CYP4X1: variants seen among roughly 807,000 people sequenced by gnomAD.
CYP4X1 encodes the protein cytochrome P450 family 4 subfamily X member 1.
A neutral mutation model predicts 57.9 loss-of-function variants in CYP4X1; 44 were observed. The observed-to-expected ratio is 0.76, with a 90% CI of 0.60 to 0.98. The LOEUF (loss-of-function observed/expected upper bound fraction) is 0.98. Among genes scored for constraint, CYP4X1 ranks in the 50% least tolerant of loss-of-function variants. The pLI, the probability that CYP4X1 is intolerant of heterozygous loss-of-function variation, is 0.00. For synonymous variants in CYP4X1, 227 were observed against 228.6 expected (o/e 0.99, Z 0.06); for missense variants, 532 against 623.9 (o/e 0.85, Z 1.57).
chr1:47,043,897 T>C lies in CYP4X1; in HGVS notation c.1074-2570T>C, dbSNP rs79280674. On this transcript the variant is annotated intron_variant, in intron 8 of 11. Coordinates refer to ENST00000371901, the MANE Select transcript of CYP4X1 (RefSeq NM_178033.2). ...TTGTCTTAAAGCCTAATTTGTCTGA[T>C]AAAAGTTCAGCTACCTTTGCTCTCT... 3.7e-3 allele frequency among the ~76,000 whole-genome samples: 559 copies of C among 152,328 alleles called. 8 individuals carry two copies. The highest frequency in any genetic ancestry group is 0.013 in the African/African-American group (530 of 41,586).
At chr1:47,013,068 G>A in the CYP4X1 span, among the ~76,000 whole-genome samples, 2 of 152,042 alleles carry the variant, frequency 1.3e-5, no homozygotes, top group Non-Finnish European at 2.9e-5. Context: ...TTTCTCGATG[G>A]TAGGCTGTTG....
At chr1:47,017,927 C>T in the CYP4X1 span, among the ~76,000 whole-genome samples, 99 of 152,290 alleles carry the variant, frequency 6.5e-4, 1 homozygote, top group East Asian at 6.4e-3. Flanking sequence ...GTCATGGGTG[C>T]GCATCCTCAA....
chr1:47,009,143 TC>T, the CYP4X1 span, among the ~76,000 whole-genome samples: 1 of 152,008 alleles, frequency 6.6e-6, no homozygotes, highest in African/African-American at 2.4e-5. Flanking sequence ...CCACACCTAT[TC>T]CAAAATTGAC....
At chr1:46,995,563 A>G in the CYP4X1 span, among the ~76,000 whole-genome samples, 2 of 152,126 alleles carry the variant, frequency 1.3e-5, no homozygotes, top group African/African-American at 4.8e-5. Flanking sequence ...ATCAAATTCA[A>G]TGTCCAGAGT....
At chr1:46,984,924 C>A in the CYP4X1 span, among the ~76,000 whole-genome samples, 2 of 152,210 alleles carry the variant, frequency 1.3e-5, no homozygotes, top group Non-Finnish European at 2.9e-5. Flanking sequence ...GTGGATCCCA[C>A]CCCCACGGAG....
the CYP4X1 span, among the ~76,000 whole-genome samples, chr1:46,976,107 T>A: frequency 1.3e-5 from 2 of 152,098 alleles, no homozygotes; most frequent in African/African-American, 4.8e-5. Context: ...GGACAGTGGA[T>A]GCAGCCCATG....
intron 4 of CYP4X1, among the ~76,000 whole-genome samples, chr1:47,034,822 T>C (rs1330882663): frequency 6.6e-6 from 1 of 151,986 alleles, no homozygotes; most frequent in Non-Finnish European, 1.5e-5. Flanking sequence ...CCCCTCCTCA[T>C]TTCTCAGCCA....
intron 1 of CYP4X1, among the ~76,000 whole-genome samples, chr1:47,024,299 TCACC>T (rs1178254801): frequency 3.3e-5 from 5 of 152,348 alleles, no homozygotes; most frequent in African/African-American, 1.2e-4. Context: ...TCTCATTGCT[TCACC>T]AAGCCTTCCA....
At chr1:46,992,466 T>C in the CYP4X1 span, among the ~76,000 whole-genome samples, 1 of 152,228 alleles carries the variant, frequency 6.6e-6, no homozygotes, top group Non-Finnish European at 1.5e-5. Context: ...GATCTATGAA[T>C]TTGCCTATTC....
At chr1:47,024,118 CT>C in intron 1 of CYP4X1, 124 bp downstream of exon 1, 1 of 1,166,462 alleles carries the variant, frequency 8.6e-7, no homozygotes, top group Non-Finnish European at 1.2e-6. Flanking sequence ...TTGCACTGGC[CT>C]TTCCAGCCCG....
the CYP4X1 span, chr1:47,000,858 G>A: frequency 6.5e-6 from 1 of 153,712 alleles, no homozygotes; most frequent in Non-Finnish European, 1.5e-5. Flanking sequence ...AAACAAGCAG[G>A]GAACAGAAAG....
chr1:47,039,917 T>A (rs929893811), intron 8 of CYP4X1, among the ~76,000 whole-genome samples: 1 of 152,146 alleles, frequency 6.6e-6, no homozygotes, highest in Admixed American at 6.5e-5. Context: ...GCTGCATTAT[T>A]TAAGGCTCAT....
At chr1:46,979,024 G>C in the CYP4X1 span, among the ~76,000 whole-genome samples, 4 of 152,132 alleles carry the variant, frequency 2.6e-5, no homozygotes, top group East Asian at 5.8e-4. Flanking sequence ...GAGAAACCAG[G>C]AAAGATCTAA....
rs1188910765 is a variant in CYP4X1, at chr1:47,046,533, A to G, written c.1140A>G (p.Ala380=). 1 of 1,614,166 alleles carries G rather than the reference A, an allele frequency of 6.2e-7. No homozygotes were observed. Among genetic ancestry groups the G allele is most frequent in the South Asian group, 1.1e-5 (1 of 91,078 alleles). The part of the protein sequence containing the change: ...CIKETCRLIP[A]VPSISRDLSK... ...AGGAGACGTGCCGATTGATTCCTGCAGTCCCGTCCATTTCCAGAGATCTCA... is the reference window on the plus strand; with the variant it reads ...AGGAGACGTGCCGATTGATTCCTGCGGTCCCGTCCATTTCCAGAGATCTCA... Residue 380 remains alanine (A), a synonymous_variant, in exon 9 of 12, where the codon GCA becomes GCG. Coordinates refer to ENST00000371901, the MANE Select transcript of CYP4X1 (RefSeq NM_178033.2).
At chr1:47,054,336 C>T (rs1244639676), downstream of CYP4X1, among the ~76,000 whole-genome samples, 6 of 151,904 alleles carry the variant, frequency 3.9e-5, no homozygotes, top group African/African-American at 7.3e-5. Flanking sequence ...GTAGTATAGT[C>T]TGAAGTCAGG....
the CYP4X1 span, among the ~76,000 whole-genome samples, chr1:46,968,299 T>C: frequency 6.6e-6 from 1 of 152,160 alleles, no homozygotes; most frequent in East Asian, 1.9e-4. Context: ...AACAATCTTC[T>C]TGCCTGGACT....
chr1:47,007,638 G>T, the CYP4X1 span, among the ~76,000 whole-genome samples: 2 of 152,148 alleles, frequency 1.3e-5, no homozygotes, highest in South Asian at 4.2e-4. Flanking sequence ...CAAGCTAAAG[G>T]AGGAAGTTCA....
Position 47,036,030 on chromosome 1 carries a change from T to TA in CYP4X1, c.635dup (p.Tyr212Ter), listed in dbSNP as rs746837459. 3.1e-6 allele frequency: 5 copies of TA among 1,612,852 alleles called. No homozygotes were observed. Among genetic ancestry groups the TA allele is most frequent in the Non-Finnish European group, 3.4e-6 (4 of 1,179,150 alleles). Residue 212 changes from tyrosine to a stop codon, truncating the protein, a stop_gained and frameshift_variant, in exon 6 of 12, where the codon TAT (tyrosine) becomes TAAT (stop). Coordinates refer to ENST00000371901, the MANE Select transcript of CYP4X1 (RefSeq NM_178033.2). LOFTEE classifies it high-confidence loss of function. ...TTTCTCTTCTAGCACCCATGATCCT[T>TA]ATGCAAAAGCCATATTTGAACTCAG... is the stretch of plus-strand genomic sequence containing the variant. The part of the protein sequence containing the change: ...NCQTNSTHDP[Y>*]AKAIFELSKI...
chr1:47,016,382 C>CAT, the CYP4X1 span, among the ~76,000 whole-genome samples: 5 of 149,058 alleles, frequency 3.4e-5, no homozygotes, highest in Non-Finnish European at 7.4e-5. Flanking sequence ...TGCTCTGTTG[C>CAT]CCAGGCTGCA....
Sources: allele counts gnomAD v4.1 joint callset (sites outside exome capture counted in the v4.1 genomes callset), GRCh38; gene constraint gnomAD v4.1.1; transcripts MANE v1.5; gene names NCBI Gene and HGNC (gene_info 2026-07-23, HGNC 2026-07-21).